The following OR52E6 variants were observed in gnomAD, a reference collection of about 807,000 sequenced individuals.
OR52E6 encodes the protein olfactory receptor family 52 subfamily E member 6, also known as olfactory receptor 52E6.
For missense variants in OR52E6, 419 were observed against 381.5 expected (o/e 1.10, Z -0.82); for synonymous variants, 173 against 137.3 (o/e 1.26, Z -1.82).
Position 5,841,784 on chromosome 11 carries a change from A to G in OR52E6, c.114T>C (p.Leu38=). Residue 38 remains leucine (L), a synonymous_variant, in exon 1 of 1, where the codon CTT becomes CTC. Coordinates refer to ENST00000329322, the MANE Select transcript of OR52E6 (RefSeq NM_001005167.2). ...WIGFPFFSVY[L]IALLGNAAIF... ...TAGCAGCATTTCCCAGGAGTGCAATAAGATACACAGAGAAAAAAGGGAATC... is the reference window on the plus strand; with the variant it reads ...TAGCAGCATTTCCCAGGAGTGCAATGAGATACACAGAGAAAAAAGGGAATC... 1 of 1,613,872 alleles carries G rather than the reference A, an allele frequency of 6.2e-7. No homozygotes were observed. The highest frequency in any genetic ancestry group is 8.5e-7 in the Non-Finnish European group (1 of 1,179,818).
In OR52E6 at chr11:5,841,208, G is replaced by A. The variant is rs748767993; in HGVS notation, c.690C>T (p.Pro230=). ...GAGCTTTGAGTCGAGCTTCCCAGGA[G>A]GGCAGGCAGAAGACAGCATAGAGGA... ...IRILYAVFCL[P]SWEARLKALN... The change falls in exon 1 of 1, where the codon CCC becomes CCT. Residue 230 remains proline (P), a synonymous_variant. Transcript: ENST00000329322. 2.5e-6 allele frequency: 4 copies of A among 1,613,924 alleles called. No homozygotes were observed. The highest frequency in any genetic ancestry group is 2.5e-6 in the Non-Finnish European group (3 of 1,179,960).
chr11:5,841,023 A>G lies in OR52E6; in HGVS notation c.875T>C (p.Ile292Thr), dbSNP rs200527084. ...AATATGTTTGGTTCTGACCCCATAG[A>G]TTACAGGATTGAGGGTGGGAGGAAC... Reference protein sequence around the residue: ...VVVPPTLNPVIYGVRTKHIRE... With the variant: ...VVVPPTLNPVTYGVRTKHIRE... Residue 292 changes from isoleucine (I) to threonine (T), a missense_variant, in exon 1 of 1, where the codon ATC becomes ACC. Transcript: ENST00000329322. 3 of 1,611,660 alleles carry G rather than the reference A, an allele frequency of 1.9e-6. No homozygotes were observed. Among genetic ancestry groups the G allele is most frequent in the Non-Finnish European group, 2.5e-6 (3 of 1,178,962 alleles).
chr11:5,841,335 C>G lies in OR52E6; in HGVS notation c.563G>C (p.Arg188Pro), dbSNP rs748245396. 1 of 1,614,116 alleles carries G rather than the reference C, an allele frequency of 6.2e-7. No individual in the cohort carries two copies. The highest frequency in any genetic ancestry group is 8.5e-7 in the Non-Finnish European group (1 of 1,180,014). ...HTYCEHMGIA[R>P]LACASIKVNI... ...GACTTTGATGCTGGCACAGGCCAGA[C>G]GGGCAATGCCCATGTGCTCACAGTA... Residue 188 changes from arginine (R) to proline (P), a missense_variant, in exon 1 of 1, where the codon CGT (arginine) becomes CCT (proline). Arg to Pro is a moderately radical substitution (Grantham distance 103, BLOSUM62 -2). Transcript: ENST00000329322.
Position 5,841,130 on chromosome 11 carries a change from T to C in OR52E6, c.768A>G (p.Ala256=). The C allele has an allele frequency of 6.2e-7, 1 of 1,613,426 alleles. No individual in the cohort carries two copies. Among genetic ancestry groups the C allele is most frequent in the Non-Finnish European group, 8.5e-7 (1 of 1,179,818 alleles). The part of the protein sequence containing the change: ...IGVILAFSTP[A]FFSFFTHCFG... ...AGCAGTGTGTAAAGAAAGAGAAAAA[T>C]GCTGGTGTAGAAAAGGCTAAGATAA... The change falls in exon 1 of 1, where the codon GCA becomes GCG. Residue 256 remains alanine, a synonymous_variant. Transcript: ENST00000329322.
chr11:5,841,648 G>C lies in OR52E6; in HGVS notation c.250C>G (p.Leu84Val). 1.2e-6 allele frequency: 2 copies of C among 1,614,066 alleles called. No homozygotes were observed. The highest frequency in any genetic ancestry group is 1.7e-4 in the Middle Eastern group (1 of 6,060). Residue 84 changes from leucine (L) to valine (V), a missense_variant, in exon 1 of 1, where the codon CTG becomes GTG. Coordinates refer to ENST00000329322, the MANE Select transcript of OR52E6 (RefSeq NM_001005167.2). ...SLSTATIPKM[L>V]GIFWFNIKEI... is the part of the protein sequence containing the mutation. ...TTGATATTGAACCAGAAGATGCCCA[G>C]CATTTTGGGAATGGTGGCCGTAGAC...
chr11:5,841,032 T>C lies in OR52E6; in HGVS notation c.866A>G (p.Asn289Ser), dbSNP rs551827678. Residue 289 changes from asparagine (N) to serine (S), a missense_variant, in exon 1 of 1, where the codon AAT (asparagine) becomes AGT (serine). Transcript: ENST00000329322. Reference sequence around the variant, plus strand: ...GGTTCTGACCCCATAGATTACAGGATTGAGGGTGGGAGGAACAACCACATA... The same window carrying C: ...GGTTCTGACCCCATAGATTACAGGACTGAGGGTGGGAGGAACAACCACATA... ...NLYVVVPPTL[N>S]PVIYGVRTKH... 6.8e-6 allele frequency: 11 copies of C among 1,612,900 alleles called. No individual in the cohort carries two copies. The highest frequency in any genetic ancestry group is 2.7e-5 in the African/African-American group (2 of 74,964).
In OR52E6 at chr11:5,841,604, G is replaced by C. The variant is rs1846612741; in HGVS notation, c.294C>G (p.Gly98=). ...WFNIKEISFG[G]YLSQMFFIHF... ...GGATGAAGAACATCTGAGAAAGGTAGCCTCCAAAAGATATTTCCTTGATAT... is the reference window on the plus strand; with the variant it reads ...GGATGAAGAACATCTGAGAAAGGTACCCTCCAAAAGATATTTCCTTGATAT... Residue 98 remains glycine (G), a synonymous_variant, in exon 1 of 1, where the codon GGC becomes GGG. Coordinates refer to ENST00000329322, the MANE Select transcript of OR52E6 (RefSeq NM_001005167.2). 5 of 1,614,014 alleles carry C rather than the reference G, an allele frequency of 3.1e-6. No homozygotes were observed. Among genetic ancestry groups the C allele is most frequent in the African/African-American group, 1.3e-5 (1 of 74,930 alleles).
In OR52E6 at chr11:5,841,775, G is replaced by A. The variant is rs772909446; in HGVS notation, c.123C>T (p.Leu41=). The A allele has an allele frequency of 5.0e-6, 8 of 1,613,730 alleles. No homozygotes were observed. Among genetic ancestry groups the A allele is most frequent in the Non-Finnish European group, 6.8e-6 (8 of 1,179,830 alleles). The change falls in exon 1 of 1, where the codon CTC becomes CTT. Residue 41 remains leucine, a synonymous_variant. Transcript: ENST00000329322. Reference sequence around the variant, plus strand: ...CAAAGAAGATAGCAGCATTTCCCAGGAGTGCAATAAGATACACAGAGAAAA... The same window carrying A: ...CAAAGAAGATAGCAGCATTTCCCAGAAGTGCAATAAGATACACAGAGAAAA... ...FPFFSVYLIA[L]LGNAAIFFVI... is the part of the protein sequence containing the mutation.
chr11:5,841,376 A>T lies in OR52E6; in HGVS notation c.522T>A (p.Arg174=). The T allele has an allele frequency of 6.2e-7, 1 of 1,614,206 alleles. No individual in the cohort carries two copies. Among genetic ancestry groups the T allele is most frequent in the Admixed American group, 1.7e-5 (1 of 60,014 alleles). ...LLLRLPFCGH[R]IIPHTYCEHM... ...GCTCACAGTAAGTATGAGGGATGAT[A>T]CGATGTCCACAGAAGGGCAACCTTA... Residue 174 remains arginine (R), a synonymous_variant, in exon 1 of 1, where the codon CGT becomes CGA. Coordinates refer to ENST00000329322, the MANE Select transcript of OR52E6 (RefSeq NM_001005167.2).
chr11:5,841,249 G>T lies in OR52E6; in HGVS notation c.649C>A (p.Leu217Ile), dbSNP rs180749416. The change falls in exon 1 of 1, where the codon CTC becomes ATC. Residue 217 changes from leucine (L) to isoleucine (I), a missense_variant. Coordinates refer to ENST00000329322, the MANE Select transcript of OR52E6 (RefSeq NM_001005167.2). ...GCATAGAGGATCCTGATATGGGAGA[G>T]AATAATAAGGAGCACATCCAATAAC... ...LLLLDVLLII[L>I]SHIRILYAVF... 1 of 1,613,946 alleles carries T rather than the reference G, an allele frequency of 6.2e-7. No homozygotes were observed. The highest frequency in any genetic ancestry group is 2.2e-5 in the East Asian group (1 of 44,812).
chr11:5,840,969 T>C lies in OR52E6; in HGVS notation c.929A>G (p.Lys310Arg), dbSNP rs748318699. 26 of 1,565,854 alleles carry C rather than the reference T, an allele frequency of 1.7e-5. No homozygotes were observed. The East Asian group carries it at 5.2e-4, about 31-fold the overall frequency. ...AACTCCAACTGGTTAGTGATCTGTC[T>C]TGAAGAAAATCCTCAGCACTGTCTC... is the stretch of plus-strand genomic sequence containing the variant. ...IRETVLRIFF[K>R]TDH Residue 310 changes from lysine (K) to arginine (R), a missense_variant, in exon 1 of 1, where the codon AAG becomes AGG. Physicochemically the swap from Lys to Arg is conservative, Grantham distance 26 (BLOSUM62 2). Coordinates refer to ENST00000329322, the MANE Select transcript of OR52E6 (RefSeq NM_001005167.2).
chr11:5,841,841 G>A lies in OR52E6; in HGVS notation c.57C>T (p.Ile19=), dbSNP rs1846616605. ...AGATGTGCACATCTTCTAGCCCTGGGATACCCAGCAGTAGGAATGAAGAAG... is the reference window on the plus strand; with the variant it reads ...AGATGTGCACATCTTCTAGCCCTGGAATACCCAGCAGTAGGAATGAAGAAG... ...FHTSSFLLLG[I]PGLEDVHIWI... is the part of the protein sequence containing the mutation. Residue 19 remains isoleucine (I), a synonymous_variant, in exon 1 of 1, where the codon ATC becomes ATT. Coordinates refer to ENST00000329322, the MANE Select transcript of OR52E6 (RefSeq NM_001005167.2). The A allele has an allele frequency of 6.2e-7, 1 of 1,613,830 alleles. No individual in the cohort carries two copies.
chr11:5,841,437 C>A lies in OR52E6; in HGVS notation c.461G>T (p.Ser154Ile). 1 of 1,614,164 alleles carries A rather than the reference C, an allele frequency of 6.2e-7. No individual in the cohort carries two copies. The highest frequency in any genetic ancestry group is 8.5e-7 in the Non-Finnish European group (1 of 1,180,008). The change falls in exon 1 of 1, where the codon AGC becomes ATC. Residue 154 changes from serine to isoleucine, a missense_variant. By Grantham distance (142) the Ser-to-Ile change is moderately radical (BLOSUM62 -2). Coordinates refer to ENST00000329322, the MANE Select transcript of OR52E6 (RefSeq NM_001005167.2). ...CACCAGTGGAATGACCATGTACAAG[C>A]TCCTCAGGACAGCAATGCCTGCAAT... ...SLIAGIAVLR[S>I]LYMVIPLVFL...
At position 5,841,835 on chromosome 11, in the gene OR52E6, C is replaced by T. The variant is rs746512737; in HGVS notation, c.63G>A (p.Gly21=). The T allele has an allele frequency of 1.9e-6, 3 of 1,613,616 alleles. No individual in the cohort carries two copies. Among genetic ancestry groups the T allele is most frequent in the East Asian group, 4.5e-5 (2 of 44,840 alleles). The change falls in exon 1 of 1, where the codon GGG becomes GGA. Residue 21 remains glycine (G), a synonymous_variant. Transcript: ENST00000329322. Reference sequence around the variant, plus strand: ...CAATCCAGATGTGCACATCTTCTAGCCCTGGGATACCCAGCAGTAGGAATG... The same window carrying T: ...CAATCCAGATGTGCACATCTTCTAGTCCTGGGATACCCAGCAGTAGGAATG... The part of the protein sequence containing the change: ...TSSFLLLGIP[G]LEDVHIWIGF...
Position 5,841,766 on chromosome 11 carries a change from AT to A in OR52E6, c.131del (p.Asn44MetfsTer7). ...FSVYLIALLG[N>X]AAIFFVIQTE... The stretch of plus-strand genomic sequence containing the variant: ...TTTGGATCACAAAGAAGATAGCAGC[AT>A]TTCCCAGGAGTGCAATAAGATACAC... On this transcript the variant is annotated frameshift_variant, in exon 1 of 1. Coordinates refer to ENST00000329322, the MANE Select transcript of OR52E6 (RefSeq NM_001005167.2). LOFTEE classifies it low-confidence loss of function (END_TRUNC). 1 of 1,613,874 alleles carries A rather than the reference AT, an allele frequency of 6.2e-7. No homozygotes were observed. Among genetic ancestry groups the A allele is most frequent in the Non-Finnish European group, 8.5e-7 (1 of 1,179,838 alleles).
At position 5,841,345 on chromosome 11, in the gene OR52E6, C is replaced by G. The variant is rs766607231; in HGVS notation, c.553G>C (p.Gly185Arg). 8 of 1,614,006 alleles carry G rather than the reference C, an allele frequency of 5.0e-6. No individual in the cohort carries two copies. The highest frequency in any genetic ancestry group is 1.6e-4 in the Middle Eastern group (1 of 6,082). ...CTGGCACAGGCCAGACGGGCAATGC[C>G]CATGTGCTCACAGTAAGTATGAGGG... Reference protein sequence around the residue: ...IIPHTYCEHMGIARLACASIK... With the variant: ...IIPHTYCEHMRIARLACASIK... The change falls in exon 1 of 1, where the codon GGC (glycine) becomes CGC (arginine). Residue 185 changes from glycine (G) to arginine (R), a missense_variant. By Grantham distance (125) the Gly-to-Arg change is moderately radical. Transcript: ENST00000329322.
rs1247278031 is a variant in OR52E6 at position 5,841,426 on chromosome 11, C to G, written c.472G>C (p.Val158Leu). ...GIAVLRSLYM[V>L]IPLVFLLLRL... ...AAGAGGAGAAACACCAGTGGAATGA[C>G]CATGTACAAGCTCCTCAGGACAGCA... The change falls in exon 1 of 1, where the codon GTC becomes CTC. Residue 158 changes from valine to leucine, a missense_variant. Coordinates refer to ENST00000329322, the MANE Select transcript of OR52E6 (RefSeq NM_001005167.2). The G allele has an allele frequency of 6.2e-7, 1 of 1,614,138 alleles. No individual in the cohort carries two copies. The highest frequency in any genetic ancestry group is 2.2e-5 in the East Asian group (1 of 44,866).
Position 5,841,080 on chromosome 11 carries a change from A to G in OR52E6, c.818T>C (p.Ile273Thr). ...ATATAGATTAGCCAAGAAAATGTGG[A>G]TATATTGGGGAATATCATGGCCAAA... ...HCFGHDIPQY[I>T]HIFLANLYVV... is the part of the protein sequence containing the mutation. Residue 273 changes from isoleucine (I) to threonine (T), a missense_variant, in exon 1 of 1, where the codon ATC becomes ACC. By Grantham distance (89) the Ile-to-Thr change is moderately conservative (BLOSUM62 -1). Transcript: ENST00000329322. 1 of 1,613,910 alleles carries G rather than the reference A, an allele frequency of 6.2e-7. No individual in the cohort carries two copies. The highest frequency in any genetic ancestry group is 1.1e-5 in the South Asian group (1 of 91,060).
chr11:5,841,644 C>G lies in OR52E6; in HGVS notation c.254G>C (p.Gly85Ala), dbSNP rs1846613350. The G allele has an allele frequency of 6.2e-7, 1 of 1,613,986 alleles. No individual in the cohort carries two copies. The highest frequency in any genetic ancestry group is 2.2e-5 in the East Asian group (1 of 44,868). Reference protein sequence around the residue: ...LSTATIPKMLGIFWFNIKEIS... With the variant: ...LSTATIPKMLAIFWFNIKEIS... ...TTCCTTGATATTGAACCAGAAGATG[C>G]CCAGCATTTTGGGAATGGTGGCCGT... The change falls in exon 1 of 1, where the codon GGC (glycine) becomes GCC (alanine). Residue 85 changes from glycine (G) to alanine (A), a missense_variant. Coordinates refer to ENST00000329322, the MANE Select transcript of OR52E6 (RefSeq NM_001005167.2).
Sources: allele counts gnomAD v4.1 joint callset, GRCh38; gene constraint gnomAD v4.1.1; transcripts MANE v1.5; gene names NCBI Gene and HGNC (gene_info 2026-07-23, HGNC 2026-07-21).